The following TXNDC8 variants were observed in gnomAD, a reference collection of about 807,000 sequenced individuals.
TXNDC8 encodes the protein thioredoxin domain-containing protein 8.
A neutral mutation model predicts 12.9 loss-of-function variants in TXNDC8; 15 were observed. That is an observed-to-expected ratio of 1.16 (90% CI 0.78 to 1.79). The LOEUF is 1.79. Ranked by LOEUF, TXNDC8 falls within the 40% of genes most tolerant of loss-of-function variation. The pLI, the probability that TXNDC8 is intolerant of heterozygous loss-of-function variation, is 0.00. For missense variants in TXNDC8, 128 were observed against 113.2 expected (o/e 1.13, Z -0.59); for synonymous variants, 40 against 35.4 (o/e 1.13, Z -0.46).
At chr9:110,323,936 GGAGTCA>G in intron 3 of TXNDC8, 3 of 1,550,966 alleles carry the variant, frequency 1.9e-6, no homozygotes, top group Non-Finnish European at 2.6e-6. Context: ...TGGCTTGACT[GGAGTCA>G]AGGGTCCATT....
At chr9:110,315,935 T>A (rs1177238685) in intron 3 of TXNDC8, among the ~76,000 whole-genome samples, 1 of 152,018 alleles carries the variant, frequency 6.6e-6, no homozygotes, top group Non-Finnish European at 1.5e-5. Flanking sequence ...TCTTGCTCTG[T>A]CACTGAGGCT....
At chr9:110,314,411 CTT>C (rs1263788038) in intron 3 of TXNDC8, among the ~76,000 whole-genome samples, 1 of 134,590 alleles carries the variant, frequency 7.4e-6, no homozygotes, top group African/African-American at 2.6e-5. Context: ...TCTTTTTTTT[CTT>C]TTTTTCTTTT....
At chr9:110,326,486 G>A (rs900354208) in intron 2 of TXNDC8, among the ~76,000 whole-genome samples, 10 of 152,228 alleles carry the variant, frequency 6.6e-5, no homozygotes, top group East Asian at 3.8e-4. Context: ...GAACCAGGAG[G>A]TGGGTAAGAG....
Position 110,326,094 on chromosome 9 carries a change from C to T in TXNDC8, c.195+81G>A, listed in dbSNP as rs907685653. 2.5e-5 allele frequency: 36 copies of T among 1,414,532 alleles called. No homozygotes were observed. In the East Asian group the frequency reaches 7.1e-4, roughly 28 times the overall value. 87.6% of individuals were successfully genotyped at this position (1,414,532 alleles called of 1,614,324 possible). A position where few individuals can be genotyped will look rare whatever the true frequency, so the allele number is the denominator to read the frequency against. On this transcript the variant is annotated intron_variant, in intron 3 of 4. Transcript: ENST00000423740. ...AAAATAAATGTAGTTATTTCATCCA[C>T]CCAGGACAGCCAGGCTTTTTTGAGG...
chr9:110,313,530 G>A, intron 3 of TXNDC8, among the ~76,000 whole-genome samples: 1 of 152,104 alleles, frequency 6.6e-6, no homozygotes, highest in African/African-American at 2.4e-5. Context: ...GCAAAATCCT[G>A]TCTCTACTAA....
intron 3 of TXNDC8, among the ~76,000 whole-genome samples, chr9:110,321,568 C>G (rs989554300): frequency 2.8e-4 from 42 of 152,086 alleles, no homozygotes; most frequent in Non-Finnish European, 1.5e-5. Flanking sequence ...ACACACAGTA[C>G]TTAACTGCTT....
chr9:110,313,910 A>G (rs2118756692), intron 3 of TXNDC8, among the ~76,000 whole-genome samples: 1 of 152,324 alleles, frequency 6.6e-6, no homozygotes, highest in East Asian at 1.9e-4. Flanking sequence ...TAGCCATGAG[A>G]GATCAGATGA....
rs951734464 is a variant in TXNDC8 at position 110,322,749 on chromosome 9, A to T, written c.195+3426T>A. 13 of 985,388 alleles carry T rather than the reference A, an allele frequency of 1.3e-5. No homozygotes were observed. The Admixed American group carries it at 4.9e-4, about 37-fold the overall frequency. 61.0% of individuals were successfully genotyped at this position (985,388 alleles called of 1,614,324 possible). On this transcript the variant is annotated intron_variant, in intron 3 of 4. Coordinates refer to ENST00000423740, the MANE Select transcript of TXNDC8 (RefSeq NM_001286946.2). The stretch of plus-strand genomic sequence containing the variant: ...GAAACTTGCCCTGAATCAGGTTGGT[A>T]CCAGGACAGAATCAGGAGGAGAGGC...
intron 4 of TXNDC8, among the ~76,000 whole-genome samples, chr9:110,304,233 A>G (rs1838339934): frequency 6.6e-6 from 1 of 152,200 alleles, no homozygotes; most frequent in Non-Finnish European, 1.5e-5. Context: ...TGAAAACTTG[A>G]GTTCCCAGTA....
chr9:110,303,390 T>G (rs1350513836), downstream of TXNDC8: 1 of 1,023,984 alleles, frequency 9.8e-7, no homozygotes, highest in African/African-American at 1.6e-5. Flanking sequence ...GATTGCATTA[T>G]GGTATTCAAC....
At chr9:110,313,967 A>G (rs974461071) in intron 3 of TXNDC8, among the ~76,000 whole-genome samples, 1 of 152,210 alleles carries the variant, frequency 6.6e-6, no homozygotes, top group Admixed American at 6.5e-5. Context: ...TTTCTCCAAA[A>G]GATTTTTAAA....
At chr9:110,327,233 A>G (rs1417177140) in intron 2 of TXNDC8, among the ~76,000 whole-genome samples, 2 of 152,162 alleles carry the variant, frequency 1.3e-5, no homozygotes, top group Admixed American at 1.3e-4. Flanking sequence ...CAGAGTTACC[A>G]TATTACCCCA....
intron 3 of TXNDC8, among the ~76,000 whole-genome samples, chr9:110,312,245 A>G (rs1838718147): frequency 6.6e-6 from 1 of 152,212 alleles, no homozygotes; most frequent in Non-Finnish European, 1.5e-5. Flanking sequence ...TTTGGAAACT[A>G]TTTGTGAGTA....
At chr9:110,322,804 C>T in intron 3 of TXNDC8, 1 of 985,520 alleles carries the variant, frequency 1.0e-6, no homozygotes, top group South Asian at 4.7e-5. Context: ...AGGGAAAAAA[C>T]AGAAGCATTC....
intron 3 of TXNDC8, among the ~76,000 whole-genome samples, chr9:110,318,662 C>T (rs561181604): frequency 9.2e-5 from 14 of 152,014 alleles, no homozygotes; most frequent in African/African-American, 3.1e-4. Flanking sequence ...GGCGTGAAGC[C>T]GGGAGGCGGA....
intron 2 of TXNDC8, among the ~76,000 whole-genome samples, chr9:110,331,632 A>AT (rs113644554): frequency 0.11 from 17,265 of 152,098 alleles, 1,092 homozygotes; most frequent in Middle Eastern, 0.15. Context: ...CATGGAAGAC[A>AT]TTTTTTTCCC....
intron 3 of TXNDC8, among the ~76,000 whole-genome samples, chr9:110,312,342 TA>T (rs1197521605): frequency 6.6e-6 from 1 of 152,230 alleles, no homozygotes. Context: ...AGAAACCGGT[TA>T]TTTTACCAAA....
intron 3 of TXNDC8, among the ~76,000 whole-genome samples, chr9:110,320,369 C>T (rs1839044408): frequency 6.6e-6 from 1 of 152,146 alleles, no homozygotes; most frequent in East Asian, 1.9e-4. Context: ...GGGAGTTCCC[C>T]TGCATGCACC....
Position 110,312,975 on chromosome 9 carries a change from A to C in TXNDC8, c.196-8443T>G, listed in dbSNP as rs184352305. Among the ~76,000 whole-genome samples, 322 of 152,246 alleles carry C rather than the reference A, an allele frequency of 2.1e-3. 2 individuals are homozygous for C. The highest frequency in any genetic ancestry group is 7.2e-3 in the African/African-American group (301 of 41,542). On this transcript the variant is annotated intron_variant, in intron 3 of 4. Transcript: ENST00000423740. Reference sequence around the variant, plus strand: ...TTCAGTGGCATGATCTTGCAATCTCAGTTCACTGCAACCTCCGCCACCCGG... The same window carrying C: ...TTCAGTGGCATGATCTTGCAATCTCCGTTCACTGCAACCTCCGCCACCCGG...
Sources: gnomAD v4.1 joint callset for allele counts (sites outside exome capture counted in the v4.1 genomes callset) on GRCh38, gnomAD v4.1.1 for gene constraint, MANE v1.5 for transcripts, NCBI Gene and HGNC (gene_info 2026-07-23, HGNC 2026-07-21) for gene names.